CLASP2: variants seen among roughly 807,000 people sequenced by gnomAD.
The protein encoded by CLASP2 is cytoplasmic linker associated protein 2.
In CLASP2, 47 loss-of-function variants were observed where a neutral mutation model predicts 194.4. That is an observed-to-expected ratio of 0.24 (90% CI 0.19 to 0.31). The LOEUF is 0.31. Among genes scored for constraint, CLASP2 ranks in the 10% least tolerant of loss-of-function variants. The probability of loss-of-function intolerance (pLI) is 1.00; values close to 1 mark genes in which losing one functional copy is unlikely to be tolerated. For missense variants in CLASP2, 1,445 were observed against 1,823.6 expected, an observed-to-expected ratio of 0.79 and a Z score of 3.78; for synonymous variants, 619 against 633.5, an observed-to-expected ratio of 0.98 and a Z score of 0.34.
chr3:33,598,476 T>TA (rs1310211079), intron 18 of CLASP2, among the ~76,000 whole-genome samples: 1 of 152,158 alleles, frequency 6.6e-6, no homozygotes, highest in African/African-American at 2.4e-5. Flanking sequence ...ACTCCCAGGC[T>TA]ATGCTCCATA....
intron 7 of CLASP2, among the ~76,000 whole-genome samples, chr3:33,649,907 T>C (rs2082900749): frequency 6.6e-6 from 1 of 152,094 alleles, no homozygotes; most frequent in African/African-American, 2.4e-5. Context: ...CTGGTAGTAC[T>C]CCCAACCAAC....
At chr3:33,684,537 C>A in intron 5 of CLASP2, 81 bp from the exon 6 acceptor site, 1 of 867,824 alleles carries the variant, frequency 1.2e-6, no homozygotes, top group Non-Finnish European at 1.7e-6. Context: ...ATTACACTAA[C>A]AGACCAACTT....
At chr3:33,674,805 A>G (rs2088179319) in intron 6 of CLASP2, among the ~76,000 whole-genome samples, 1 of 152,210 alleles carries the variant, frequency 6.6e-6, no homozygotes, top group Admixed American at 6.5e-5. Flanking sequence ...CATACTACAA[A>G]CACCTCTACG....
At chr3:33,670,887 A>C (rs2087042203) in intron 6 of CLASP2, among the ~76,000 whole-genome samples, 1 of 152,328 alleles carries the variant, frequency 6.6e-6, no homozygotes, top group African/African-American at 2.4e-5. Context: ...GGAGAACCGA[A>C]AAAGAACCAT....
At chr3:33,696,516 A>G (rs1349190751) in intron 2 of CLASP2, among the ~76,000 whole-genome samples, 39 of 147,300 alleles carry the variant, frequency 2.6e-4, no homozygotes, top group African/African-American at 9.8e-4. Context: ...CCCAGGCTGG[A>G]GTGCAGTGGC....
At position 33,498,692 on chromosome 3, in the gene CLASP2, T is replaced by C. The variant is rs754614136; in HGVS notation, c.4460A>G (p.Lys1487Arg). Residue 1487 changes from lysine (K) to arginine (R), a missense_variant, in exon 39 of 39, where the codon AAA becomes AGA. Lys to Arg is a conservative substitution (Grantham distance 26). This residue lies in a region of CLASP2 where 732 missense variants were observed against 987.9 expected (regional missense o/e 0.74). Coordinates refer to ENST00000682230, the MANE Select transcript of CLASP2 (RefSeq NM_001365631.1). Reference protein sequence around the residue: ...SKMKLLNLYIKRAQTGSGGAD... With the variant: ...SKMKLLNLYIRRAQTGSGGAD... Reference sequence around the variant, plus strand: ...TCCTCCAGAACCTGTTTGTGCACGTTTGATGTAAAGATTCAGTAGCTTCAT... The same window carrying C: ...TCCTCCAGAACCTGTTTGTGCACGTCTGATGTAAAGATTCAGTAGCTTCAT... 1.2e-6 allele frequency: 2 copies of C among 1,613,260 alleles called. No homozygotes were observed. Among genetic ancestry groups the C allele is most frequent in the Non-Finnish European group, 1.7e-6 (2 of 1,179,394 alleles).
intron 17 of CLASP2, 146 bp downstream of exon 17, chr3:33,604,008 G>A (rs2073044504): frequency 6.5e-6 from 4 of 615,164 alleles, no homozygotes; most frequent in East Asian, 5.5e-5. Flanking sequence ...ATGTATACAC[G>A]TATACATATA....
At chr3:33,672,332 C>T (rs1421362814) in intron 6 of CLASP2, among the ~76,000 whole-genome samples, 1 of 152,226 alleles carries the variant, frequency 6.6e-6, no homozygotes, top group Non-Finnish European at 1.5e-5. Flanking sequence ...CCCAGGCAAA[C>T]AGGGTCTGGA....
chr3:33,660,738 A>G (rs1248311686), intron 7 of CLASP2, among the ~76,000 whole-genome samples: 2 of 152,222 alleles, frequency 1.3e-5, no homozygotes, highest in Non-Finnish European at 2.9e-5. Context: ...TGAGGGAGAG[A>G]AAAGGTAGTA....
intron 27 of CLASP2, 72 bp from the exon 28 acceptor site, chr3:33,561,043 G>T: frequency 7.5e-7 from 1 of 1,325,790 alleles, no homozygotes; most frequent in East Asian, 2.4e-5. Context: ...AATTCAAAGC[G>T]AATACAGAAA....
intron 30 of CLASP2, among the ~76,000 whole-genome samples, chr3:33,546,574 G>A (rs2059184368): frequency 1.3e-5 from 2 of 152,140 alleles, no homozygotes; most frequent in African/African-American, 2.4e-5. Context: ...GGTCTCCAGA[G>A]TTCCCTTTTG....
chr3:33,581,532 CTTG>C (rs2066139760), intron 23 of CLASP2, among the ~76,000 whole-genome samples: 1 of 152,148 alleles, frequency 6.6e-6, no homozygotes, highest in Non-Finnish European at 1.5e-5. Flanking sequence ...TGCAGGTTTA[CTTG>C]TTAAGAAAGA....
At chr3:33,528,560 G>A (rs2055251593) in intron 34 of CLASP2, among the ~76,000 whole-genome samples, 3 of 152,112 alleles carry the variant, frequency 2.0e-5, no homozygotes, top group Admixed American at 2.0e-4. Context: ...TCAGGAATTT[G>A]AGACCAGCCT....
intron 18 of CLASP2, among the ~76,000 whole-genome samples, chr3:33,599,676 G>A (rs1002951418): frequency 6.6e-6 from 1 of 152,092 alleles, no homozygotes; most frequent in Middle Eastern, 3.2e-3. Flanking sequence ...ATTCATACAT[G>A]TATAGCCATA....
At position 33,551,274 on chromosome 3, in the gene CLASP2, G is replaced by C; in HGVS notation, c.3131C>G (p.Pro1044Arg). 6.2e-7 allele frequency: 1 copy of C among 1,612,668 alleles called. No homozygotes were observed. The highest frequency in any genetic ancestry group is 8.5e-7 in the Non-Finnish European group (1 of 1,179,280). Residue 1044 changes from proline (P) to arginine (R), a missense_variant, in exon 30 of 39, where the codon CCC becomes CGC. By Grantham distance (103) the Pro-to-Arg change is moderately radical. This residue lies in a region of CLASP2 where 732 missense variants were observed against 987.9 expected (regional missense o/e 0.74). Transcript: ENST00000682230. ...VSRVITWTTEPKSSDVRKAAQ... is the reference protein window; with the variant it reads ...VSRVITWTTERKSSDVRKAAQ... ...TACCTTCCGAACATCAGAACTTTTG[G>C]GTTCTGTTGTCCAAGTGATGACCCG...
intron 34 of CLASP2, among the ~76,000 whole-genome samples, chr3:33,534,631 C>G (rs1027489227): frequency 1.3e-5 from 2 of 152,126 alleles, no homozygotes; most frequent in Non-Finnish European, 2.9e-5. Flanking sequence ...TACAACTTAC[C>G]TGCATCTTAC....
At chr3:33,708,587 A>C (rs971919171) in intron 1 of CLASP2, among the ~76,000 whole-genome samples, 47 of 149,472 alleles carry the variant, frequency 3.1e-4, no homozygotes, top group Middle Eastern at 7.0e-3. Flanking sequence ...CACACCCCCC[A>C]CATTTTCTTT....
At chr3:33,563,761 T>C (rs2062180398) in intron 27 of CLASP2, among the ~76,000 whole-genome samples, 1 of 152,236 alleles carries the variant, frequency 6.6e-6, no homozygotes, top group Non-Finnish European at 1.5e-5. Flanking sequence ...GATTGTGATA[T>C]GACTCTTTGG....
chr3:33,567,668 G>A (rs1370019365), intron 26 of CLASP2, among the ~76,000 whole-genome samples: 1 of 152,162 alleles, frequency 6.6e-6, no homozygotes, highest in Non-Finnish European at 1.5e-5. Context: ...GGGTTTACAT[G>A]AGGTGGATAT....
Sources: gnomAD v4.1 joint callset for allele counts (sites outside exome capture counted in the v4.1 genomes callset) on GRCh38, gnomAD v4.1.1 for gene constraint, gnomAD v4.1.1 regional missense constraint, MANE v1.5 for transcripts, NCBI Gene and HGNC (gene_info 2026-07-23, HGNC 2026-07-21) for gene names.